The following EVPL variants were observed in gnomAD, a reference collection of about 807,000 sequenced individuals.
The protein encoded by EVPL is 210 kDa cornified envelope precursor protein.
A neutral mutation model predicts 129.7 loss-of-function variants in EVPL; 94 were observed. The ratio of observed to expected loss-of-function variants is 0.72; its 90% CI spans 0.61 to 0.86. The LOEUF is 0.86. EVPL is among the 40% of genes least tolerant of loss of function. EVPL has a pLI of 0.00. For synonymous variants in EVPL, 1,172 were observed against 1,191.1 expected, an observed-to-expected ratio of 0.98 and a Z score of 0.33; for missense variants, 2,625 against 2,721.1, an observed-to-expected ratio of 0.96 and a Z score of 0.79.
rs78216043 is a variant in EVPL, at chr17:76,013,498, A to T, written c.2373+928T>A. ...GCCGGCCCCATTCCTCTCCCCAAAT[A>T]TGCTCTGTTTCCTGTGTTCCCGCCT... On this transcript the variant is annotated intron_variant, in intron 18 of 21. Coordinates refer to ENST00000301607, the MANE Select transcript of EVPL (RefSeq NM_001988.4). This position sits in a 1 kb window ranked among gnomAD's most constrained non-coding sequence, Gnocchi z 4.3. Among the ~76,000 whole-genome samples, 1,140 of 151,828 alleles carry T rather than the reference A, an allele frequency of 7.5e-3. 17 individuals carry two copies. The highest frequency in any genetic ancestry group is 0.026 in the African/African-American group (1,084 of 41,368).
Position 76,008,287 on chromosome 17 carries a change from G to A in EVPL, c.4918C>T (p.Arg1640Trp), listed in dbSNP as rs763165225. The change falls in exon 22 of 22, where the codon CGG becomes TGG. Residue 1640 changes from arginine to tryptophan, a missense_variant. Coordinates refer to ENST00000301607, the MANE Select transcript of EVPL (RefSeq NM_001988.4). The surrounding 1 kb of genome is among the most constrained non-coding windows in gnomAD (Gnocchi z 7.4). ...KAAQRGQELS[R>W]LEAAILREKD... ...TCGCGGAGGATGGCCGCCTCCAGCCGCGAGAGCTCCTGGCCCCGCTGGGCC... is the reference window on the plus strand; with the variant it reads ...TCGCGGAGGATGGCCGCCTCCAGCCACGAGAGCTCCTGGCCCCGCTGGGCC... The A allele has an allele frequency of 5.0e-6, 8 of 1,611,116 alleles. No homozygotes were observed. Among genetic ancestry groups the A allele is most frequent in the South Asian group, 2.2e-5 (2 of 91,072 alleles).
At chr17:76,026,312 A>G (rs1307413362) in intron 1 of EVPL, among the ~76,000 whole-genome samples, 1 of 149,266 alleles carries the variant, frequency 6.7e-6, no homozygotes, top group African/African-American at 2.5e-5. Context: ...GGGTGTGATC[A>G]TGGCTCACTG....
At chr17:76,016,025 T>C (rs1236387360) in intron 14 of EVPL, among the ~76,000 whole-genome samples, 1 of 152,094 alleles carries the variant, frequency 6.6e-6, no homozygotes, top group Non-Finnish European at 1.5e-5. Context: ...GCACCTGCAA[T>C]CCCAGCTACC....
chr17:76,023,262 C>T (rs372501245), intron 4 of EVPL, 30 bp downstream of exon 4: 1 of 1,612,670 alleles, frequency 6.2e-7, no homozygotes, highest in African/African-American at 1.3e-5. Context: ...GCCCTCTGAT[C>T]ACACTGGGGT....
At position 76,024,864 on chromosome 17, in the gene EVPL, TGC is replaced by T. The variant is rs2066488275; in HGVS notation, c.99-746_99-745del. On this transcript the variant is annotated intron_variant, in intron 1 of 21. Coordinates refer to ENST00000301607, the MANE Select transcript of EVPL (RefSeq NM_001988.4). The surrounding 1 kb of genome is among the most constrained non-coding windows in gnomAD (Gnocchi z 4.5). ...CTCCATAGAGCACCTGCTGTGTGCA[TGC>T]ACTCACTGTGCGGAGGTCACAAGGT... Among the ~76,000 whole-genome samples the T allele has an allele frequency of 6.6e-6, 1 of 152,228 alleles. No individual in the cohort carries two copies. Among genetic ancestry groups the T allele is most frequent in the South Asian group, 2.1e-4 (1 of 4,826 alleles).
Position 76,007,426 on chromosome 17 carries a change from G to T in EVPL, c.5779C>A (p.Pro1927Thr). Residue 1927 changes from proline to threonine, a missense_variant, in exon 22 of 22, where the codon CCC (proline) becomes ACC (threonine). Physicochemically the swap from Pro to Thr is conservative, Grantham distance 38. This residue lies in a region of EVPL where 1,453 missense variants were observed against 1,511.8 expected (regional missense o/e 0.96). Transcript: ENST00000301607. The surrounding 1 kb of genome is among the most constrained non-coding windows in gnomAD (Gnocchi z 8.8). ...AGGTGTGGGAGCACGCTCTCCCGGG[G>T]CATCCAGCCCTTCTGGACGGCCTCG... ...VGEAVQKGWM[P>T]RESVLPHLQV... 6.2e-7 allele frequency: 1 copy of T among 1,605,656 alleles called. No individual in the cohort carries two copies. Among genetic ancestry groups the T allele is most frequent in the Non-Finnish European group, 8.5e-7 (1 of 1,175,708 alleles).
intron 21 of EVPL, 40 bp downstream of exon 21, chr17:76,011,536 C>G (rs142022017): frequency 6.6e-4 from 1,036 of 1,564,136 alleles, no homozygotes; most frequent in Admixed American, 8.7e-4. Context: ...CCTGGTTATT[C>G]CTGGCTATTG....
At chr17:76,021,606 C>CCCCGGGGG in intron 8 of EVPL, 43 bp from the exon 9 acceptor site, 2 of 1,336,568 alleles carry the variant, frequency 1.5e-6, no homozygotes, top group Non-Finnish European at 2.0e-6. Context: ...GCCCCCCCCA[C>CCCCGGGGG]GTCCGCCCCA....
intron 16 of EVPL, 34 bp from the exon 17 acceptor site, chr17:76,015,143 G>C (rs375106503): frequency 7.4e-5 from 116 of 1,563,944 alleles, no homozygotes; most frequent in Non-Finnish European, 9.9e-5. Context: ...GTGCACCCTC[G>C]TGGCTGGGGA....
At chr17:76,014,275 T>C in intron 18 of EVPL, 151 bp downstream of exon 18, 1 of 1,103,934 alleles carries the variant, frequency 9.1e-7, no homozygotes. Flanking sequence ...GCTGGCCCCG[T>C]CTGTGGGCAA....
chr17:76,017,526 A>G (rs1256059414), intron 14 of EVPL, among the ~76,000 whole-genome samples: 1 of 152,124 alleles, frequency 6.6e-6, no homozygotes. Flanking sequence ...GGATGAGGAA[A>G]CCAAGGCCCA....
rs1215166067 is a variant in EVPL, at chr17:76,009,469, G to C, written c.3736C>G (p.Pro1246Ala). 2.5e-6 allele frequency: 4 copies of C among 1,613,920 alleles called. No homozygotes were observed. In the Admixed American group the frequency reaches 6.7e-5, roughly 27 times the overall value. The change falls in exon 22 of 22, where the codon CCC becomes GCC. Residue 1246 changes from proline (P) to alanine (A), a missense_variant. By Grantham distance (27) the Pro-to-Ala change is conservative. Coordinates refer to ENST00000301607, the MANE Select transcript of EVPL (RefSeq NM_001988.4). The surrounding 1 kb of genome is among the most constrained non-coding windows in gnomAD (Gnocchi z 5.9). ...GTCACCTCCTTGTACTCCACCGTGGGCTTCTGGGCCCGCAGGACCTCCAGG... is the reference window on the plus strand; with the variant it reads ...GTCACCTCCTTGTACTCCACCGTGGCCTTCTGGGCCCGCAGGACCTCCAGG... ...PDLEVLRAQKPTVEYKEVTQE... is the reference protein window; with the variant it reads ...PDLEVLRAQKATVEYKEVTQE...
rs2066483914 is a variant in EVPL, at chr17:76,024,202, T to C, written c.99-82A>G. On this transcript the variant is annotated intron_variant, in intron 1 of 21. Transcript: ENST00000301607. The surrounding 1 kb of genome is among the most constrained non-coding windows in gnomAD (Gnocchi z 4.5). ...TCCAGGTGGCATCCCCTGCCCTCCC[T>C]CCACCCCATCCTGCCCCCACAGCCT... The C allele has an allele frequency of 3.1e-6, 4 of 1,290,154 alleles. No homozygotes were observed. Among genetic ancestry groups the C allele is most frequent in the Non-Finnish European group, 1.1e-6 (1 of 910,936 alleles). The allele number at this position is 1,290,154 out of a possible 1,614,324, so 79.9% of individuals were successfully genotyped here.
At position 76,019,521 on chromosome 17, in the gene EVPL, G is replaced by A; in HGVS notation, c.1137+7C>T. ...GGGGTGCAGACGGCCTGGTGGGGTT[G>A]TCTCACCTCCAGCTGTTGCAGCAGC... On this transcript the variant is annotated splice_region_variant and intron_variant, in intron 10 of 21. Coordinates refer to ENST00000301607, the MANE Select transcript of EVPL (RefSeq NM_001988.4). 1.3e-6 allele frequency: 2 copies of A among 1,549,778 alleles called. No homozygotes were observed. The highest frequency in any genetic ancestry group is 1.4e-5 in the African/African-American group (1 of 71,212).
In EVPL at chr17:76,022,390, T is replaced by C. The variant is rs777372717; in HGVS notation, c.606+23A>G. 1.3e-4 allele frequency: 210 copies of C among 1,613,056 alleles called. No individual in the cohort carries two copies. Among genetic ancestry groups the C allele is most frequent in the Non-Finnish European group, 1.8e-4 (208 of 1,179,840 alleles). On this transcript the variant is annotated intron_variant, in intron 5 of 21. Transcript: ENST00000301607. The surrounding 1 kb of genome is among the most constrained non-coding windows in gnomAD (Gnocchi z 5.6). ...AACGGGCTGGGGCTGGCCCCGGATG[T>C]GACATCCTCCAGGCTCACCTACCGG...
At position 76,007,975 on chromosome 17, in the gene EVPL, C is replaced by T. The variant is rs570072286; in HGVS notation, c.5230G>A (p.Gly1744Arg). The T allele has an allele frequency of 3.6e-5, 58 of 1,614,082 alleles. No homozygotes were observed. Among genetic ancestry groups the T allele is most frequent in the African/African-American group, 1.3e-4 (10 of 75,038 alleles). The change falls in exon 22 of 22, where the codon GGG (glycine) becomes AGG (arginine). Residue 1744 changes from glycine to arginine, a missense_variant. By Grantham distance (125) the Gly-to-Arg change is moderately radical (BLOSUM62 -2). This residue lies in a region of EVPL where 1,453 missense variants were observed against 1,511.8 expected (regional missense o/e 0.96). Transcript: ENST00000301607. The surrounding 1 kb of genome is among the most constrained non-coding windows in gnomAD (Gnocchi z 8.8). Reference protein sequence around the residue: ...EESVLLDRKSGKQYSIEAALR... With the variant: ...EESVLLDRKSRKQYSIEAALR... ...GCGGCCTCGATGGAGTACTGCTTCC[C>T]GCTCTTGCGGTCCAGGAGCACAGAC...
Position 76,007,990 on chromosome 17 carries a change from G to A in EVPL, c.5215C>T (p.Leu1739=), listed in dbSNP as rs1304221557. Residue 1739 remains leucine, a synonymous_variant, in exon 22 of 22, where the codon CTG becomes TTG. Coordinates refer to ENST00000301607, the MANE Select transcript of EVPL (RefSeq NM_001988.4). This position sits in a 1 kb window ranked among gnomAD's most constrained non-coding sequence, Gnocchi z 8.8. The part of the protein sequence containing the change: ...SGPCGEESVL[L]DRKSGKQYSI... The stretch of plus-strand genomic sequence containing the variant: ...TACTGCTTCCCGCTCTTGCGGTCCA[G>A]GAGCACAGACTCCTCCCCACAGGGC... The A allele has an allele frequency of 6.2e-7, 1 of 1,613,998 alleles. No individual in the cohort carries two copies. Among genetic ancestry groups the A allele is most frequent in the Non-Finnish European group, 8.5e-7 (1 of 1,180,040 alleles).
At chr17:76,012,260 T>G (rs1312322746) in intron 18 of EVPL, 171 bp from the exon 19 acceptor site, 3 of 571,066 alleles carry the variant, frequency 5.3e-6, no homozygotes, top group Admixed American at 6.1e-5. Flanking sequence ...TCATTCTCTC[T>G]GCTTTTCCTC....
chr17:76,021,609 C>CCG, intron 8 of EVPL, 46 bp from the exon 9 acceptor site: 1 of 1,283,922 alleles, frequency 7.8e-7, no homozygotes, highest in Non-Finnish European at 1.0e-6. Context: ...CCCCCCACGT[C>CCG]CGCCCCACCT....
Sources: allele counts gnomAD v4.1 joint callset (sites outside exome capture counted in the v4.1 genomes callset), GRCh38; gene constraint gnomAD v4.1.1; regional missense constraint gnomAD v4.1.1; non-coding constraint Gnocchi (gnomAD v3.1); transcripts MANE v1.5; gene names NCBI Gene and HGNC (gene_info 2026-07-23, HGNC 2026-07-21).